GSK3B: variants seen among roughly 807,000 people sequenced by gnomAD.
GSK3B encodes the protein glycogen synthase kinase-3 beta.
In GSK3B, 15 loss-of-function variants were observed where a neutral mutation model predicts 56.4. The observed-to-expected ratio is 0.27, with a 90% CI of 0.18 to 0.41. The LOEUF (loss-of-function observed/expected upper bound fraction) is 0.41, where lower values mean the gene tolerates loss of function less well. GSK3B is among the 10% of genes least tolerant of loss of function. The probability of loss-of-function intolerance (pLI) is 1.00; values close to 1 mark genes in which losing one functional copy is unlikely to be tolerated. For synonymous variants in GSK3B, 181 were observed against 188.9 expected (o/e 0.96, Z 0.34); for missense variants, 300 against 513.4 (o/e 0.58, Z 4.02).
chr3:119,830,778 G>A (rs2055585954), intron 10 of GSK3B, among the ~76,000 whole-genome samples: 1 of 152,192 alleles, frequency 6.6e-6, no homozygotes, highest in Admixed American at 6.5e-5. Flanking sequence ...ATAGCTGTGT[G>A]ATTTTGGAAC....
chr3:119,949,712 T>C (rs2057135849), intron 2 of GSK3B, among the ~76,000 whole-genome samples: 1 of 146,438 alleles, frequency 6.8e-6, no homozygotes, highest in Non-Finnish European at 1.5e-5. Flanking sequence ...AAAAGCATTC[T>C]ATCATTTGAA....
At chr3:120,039,014 TA>T (rs1241496479) in intron 1 of GSK3B, among the ~76,000 whole-genome samples, 2 of 151,346 alleles carry the variant, frequency 1.3e-5, no homozygotes, top group Admixed American at 6.6e-5. Context: ...ACAAATGAAT[TA>T]AAAAGTGTAC....
intron 3 of GSK3B, among the ~76,000 whole-genome samples, chr3:119,944,694 G>A (rs904215390): frequency 6.6e-6 from 1 of 151,904 alleles, no homozygotes; most frequent in Non-Finnish European, 1.5e-5. Flanking sequence ...CACCATCTAC[G>A]AAGTCACACA....
chr3:120,051,968 T>C (rs183586788), intron 1 of GSK3B, among the ~76,000 whole-genome samples: 9 of 152,254 alleles, frequency 5.9e-5, no homozygotes, highest in Admixed American at 5.2e-4. Context: ...CCAGTGAAAA[T>C]TCCTGTGTGG....
intron 2 of GSK3B, among the ~76,000 whole-genome samples, chr3:119,975,396 A>G (rs2057400832): frequency 6.6e-6 from 1 of 152,148 alleles, no homozygotes; most frequent in Non-Finnish European, 1.5e-5. Context: ...GCAGTGAGCT[A>G]AGATTGTGCC....
At chr3:119,853,320 C>T (rs1274847147) in intron 9 of GSK3B, among the ~76,000 whole-genome samples, 1 of 152,238 alleles carries the variant, frequency 6.6e-6, no homozygotes, top group Admixed American at 6.5e-5. Context: ...GTTTTGGTTA[C>T]TGTAGCCTTG....
chr3:119,856,097 T>G (rs2056019710), intron 9 of GSK3B, among the ~76,000 whole-genome samples: 1 of 152,228 alleles, frequency 6.6e-6, no homozygotes, highest in African/African-American at 2.4e-5. Flanking sequence ...CATTTTTTCT[T>G]TATCTTTCTG....
intron 2 of GSK3B, among the ~76,000 whole-genome samples, chr3:119,956,051 A>G (rs773638268): frequency 6.6e-6 from 1 of 152,218 alleles, no homozygotes; most frequent in Non-Finnish European, 1.5e-5. Flanking sequence ...CTACACTAGT[A>G]AAAACAGAGA....
chr3:120,032,515 A>T (rs1371998529), intron 1 of GSK3B, among the ~76,000 whole-genome samples: 1 of 152,050 alleles, frequency 6.6e-6, no homozygotes, highest in East Asian at 1.9e-4. Flanking sequence ...TTAAGTTTTT[A>T]AAAAGTGGCT....
chr3:119,897,673 C>T (rs1402028985), intron 7 of GSK3B, among the ~76,000 whole-genome samples: 1 of 149,472 alleles, frequency 6.7e-6, no homozygotes, highest in Non-Finnish European at 1.5e-5. Flanking sequence ...CTCTGATCAG[C>T]AATAAATGAA....
At chr3:119,984,972 C>T (rs981205614) in intron 2 of GSK3B, among the ~76,000 whole-genome samples, 3 of 152,138 alleles carry the variant, frequency 2.0e-5, no homozygotes, top group African/African-American at 7.2e-5. Flanking sequence ...TCCAGCAGCA[C>T]ATCAAAAAGC....
At chr3:119,877,360 T>C in intron 7 of GSK3B, among the ~76,000 whole-genome samples, 1 of 152,198 alleles carries the variant, frequency 6.6e-6, no homozygotes, top group Non-Finnish European at 1.5e-5. Context: ...AATAGTTGCA[T>C]ATAACCTTAC....
At chr3:119,969,020 G>C (rs1294576913) in intron 2 of GSK3B, among the ~76,000 whole-genome samples, 2 of 152,158 alleles carry the variant, frequency 1.3e-5, no homozygotes, top group African/African-American at 2.4e-5. Flanking sequence ...GGCCGGGAGT[G>C]ATGGCTCATG....
At chr3:119,827,585 TAAAA>T (rs1156408098) in intron 10 of GSK3B, among the ~76,000 whole-genome samples, 1 of 42,106 alleles carries the variant, frequency 2.4e-5, no homozygotes, top group African/African-American at 8.7e-5. Flanking sequence ...ATACCGTCTT[TAAAA>T]AAAAAAAAAA....
intron 7 of GSK3B, among the ~76,000 whole-genome samples, chr3:119,898,012 C>T (rs2056586955): frequency 6.6e-6 from 1 of 151,974 alleles, no homozygotes; most frequent in Non-Finnish European, 1.5e-5. Context: ...TCATGGCAAA[C>T]CCATACATAG....
intron 2 of GSK3B, among the ~76,000 whole-genome samples, chr3:119,986,458 A>G (rs1158239336): frequency 6.6e-6 from 1 of 152,066 alleles, no homozygotes; most frequent in African/African-American, 2.4e-5. Context: ...TAATATCCAG[A>G]ATCTACAAAT....
intron 9 of GSK3B, among the ~76,000 whole-genome samples, chr3:119,861,878 T>C (rs1328210939): frequency 1.3e-5 from 2 of 152,186 alleles, no homozygotes; most frequent in African/African-American, 4.8e-5. Flanking sequence ...AATACATGAC[T>C]GTGTTTACAG....
At chr3:120,007,996 G>A (rs1414497950) in intron 1 of GSK3B, among the ~76,000 whole-genome samples, 1 of 150,804 alleles carries the variant, frequency 6.6e-6, no homozygotes, top group African/African-American at 2.4e-5. Context: ...TGACGTCTCA[G>A]GCCAAACACT....
At position 119,854,576 on chromosome 3, in the gene GSK3B, A is replaced by G. The variant is rs1036368803; in HGVS notation, c.1096+8843T>C. 3.9e-5 allele frequency among the ~76,000 whole-genome samples: 6 copies of G among 152,244 alleles called. No individual in the cohort carries two copies. The South Asian group carries it at 8.3e-4, about 21-fold the overall frequency. On this transcript the variant is annotated intron_variant, in intron 9 of 10. Coordinates refer to ENST00000264235, the MANE Select transcript of GSK3B (RefSeq NM_001146156.2). ...GACTTTTTTTGGTTGGGAGGCTATT[A>G]ATTATTGCCTCAACTTCAGAGCCTG... is the stretch of plus-strand genomic sequence containing the variant.
Sources: gnomAD v4.1 joint callset for allele counts (sites outside exome capture counted in the v4.1 genomes callset) on GRCh38, gnomAD v4.1.1 for gene constraint, MANE v1.5 for transcripts, NCBI Gene and HGNC (gene_info 2026-07-23, HGNC 2026-07-21) for gene names.